Variants in WAS observed in about 807,000 individuals in gnomAD.
The protein encoded by WAS is WASP actin nucleation promoting factor.
A neutral mutation model predicts 38.9 loss-of-function variants in WAS; 1 was observed. The observed-to-expected ratio is 0.03, with a 90% CI of 0.01 to 0.12. The LOEUF is 0.12. WAS is among the 10% of genes least tolerant of loss of function. WAS has a pLI of 1.00. For missense variants in WAS, 311 were observed against 431.2 expected, an observed-to-expected ratio of 0.72 and a Z score of 2.47; for synonymous variants, 182 against 173.6, an observed-to-expected ratio of 1.05 and a Z score of -0.38.
At chrX:48,682,089 C>T (rs782156141), upstream of WAS, among the ~76,000 whole-genome samples, 2 of 112,018 alleles carry the variant, frequency 1.8e-5, no homozygotes, top group African/African-American at 3.2e-5. Flanking sequence ...CTGGCATCAT[C>T]TGGAGAAGTT....
chrX:48,687,628 C>A (rs2062424431), intron 7 of WAS, among the ~76,000 whole-genome samples: 1 of 109,272 alleles, frequency 9.2e-6, no homozygotes. Flanking sequence ...TGTGTGGTTG[C>A]ATGGGTAGAA....
rs1557007149 is a variant in WAS, at chrX:48,688,737, G to A, written c.1009G>A (p.Gly337Ser). ...GCCCCCTATTGTGGGGGGTAACAAG[G>A]GTCGTTCTGGTCCACTGCCCCCTGT... ...PRPPIVGGNK[G>S]RSGPLPPVPL... is the part of the protein sequence containing the mutation. The change falls in exon 10 of 12, where the codon GGT becomes AGT. Residue 337 changes from glycine (G) to serine (S), a missense_variant. Physicochemically the swap from Gly to Ser is moderately conservative, Grantham distance 56. Coordinates refer to ENST00000376701, the MANE Select transcript of WAS (RefSeq NM_000377.3). 1 of 1,171,844 alleles carries A rather than the reference G, an allele frequency of 8.5e-7. No homozygotes were observed. Among genetic ancestry groups the A allele is most frequent in the Non-Finnish European group, 1.1e-6 (1 of 875,262 alleles).
In WAS at chrX:48,684,113, G is replaced by A. The variant is rs782355555; in HGVS notation, c.132+128G>A. On this transcript the variant is annotated intron_variant, in intron 1 of 11. Coordinates refer to ENST00000376701, the MANE Select transcript of WAS (RefSeq NM_000377.3). ...ATCATCTCCTCTCCTAGAATTTCCCGTCATAATCCACCCTTCCCAGGAAGA... is the reference window on the plus strand; with the variant it reads ...ATCATCTCCTCTCCTAGAATTTCCCATCATAATCCACCCTTCCCAGGAAGA... 41 of 1,088,868 alleles carry A rather than the reference G, an allele frequency of 3.8e-5. 1 individual carries two copies. The highest frequency in any genetic ancestry group is 3.7e-4 in the East Asian group (12 of 32,495). 89.7% of individuals were successfully genotyped at this position (1,088,868 alleles called of 1,213,427 possible). A position where few individuals can be genotyped will look rare whatever the true frequency, so the allele number is the denominator to read the frequency against.
rs868936975 is a variant in WAS, at chrX:48,688,849, C to A, written c.1121C>A (p.Ala374Asp). 8.6e-7 allele frequency: 1 copy of A among 1,156,385 alleles called. No individual in the cohort carries two copies. Among genetic ancestry groups the A allele is most frequent in the Non-Finnish European group, 1.2e-6 (1 of 866,295 alleles). ...RGGPPPPPPP[A>D]TGRSGPLPPP... ...GGCCCTCCACCACCACCCCCTCCAG[C>A]TACTGGACGTTCTGGACCACTGCCC... The change falls in exon 10 of 12, where the codon GCT becomes GAT. Residue 374 changes from alanine to aspartate, a missense_variant. Around this residue, in one of 4 missense-constraint regions of WAS, gnomAD observed 142 missense variants for 157.6 expected, o/e 0.90. Transcript: ENST00000376701.
At chrX:48,684,064 C>T in intron 1 of WAS, 79 bp downstream of exon 1, 1 of 1,141,278 alleles carries the variant, frequency 8.8e-7, no homozygotes, top group Non-Finnish European at 1.2e-6. Flanking sequence ...TCTTCCCCTC[C>T]TCCCGCTCCT....
Position 48,688,680 on chromosome X carries a change from C to G in WAS, c.952C>G (p.Pro318Ala). The G allele has an allele frequency of 8.3e-7, 1 of 1,202,649 alleles. No homozygotes were observed. The highest frequency in any genetic ancestry group is 1.1e-6 in the Non-Finnish European group (1 of 890,364). Residue 318 changes from proline (P) to alanine (A), a missense_variant, in exon 10 of 12, where the codon CCG (proline) becomes GCG (alanine). Pro to Ala is a conservative substitution (Grantham distance 27). This residue lies in a region of WAS where 74 missense variants were observed against 131.2 expected (regional missense o/e 0.56). Coordinates refer to ENST00000376701, the MANE Select transcript of WAS (RefSeq NM_000377.3). ...CACAGAGCCACTTCCGCCGCCCCCA[C>G]CGCCATCTCGAGGAGGGAACCAGCT... The part of the protein sequence containing the change: ...RRQEPLPPPP[P>A]PSRGGNQLPR...
upstream of WAS, chrX:48,683,744 T>C: frequency 9.1e-7 from 1 of 1,097,113 alleles, no homozygotes; most frequent in Non-Finnish European, 1.2e-6. Flanking sequence ...TTGTTTCCCT[T>C]GTCCCTTGTG....
intron 11 of WAS, 133 bp downstream of exon 11, chrX:48,689,567 G>A (rs2062433235): frequency 1.8e-6 from 1 of 561,070 alleles, no homozygotes; most frequent in Non-Finnish European, 3.0e-6. Context: ...TCTTGTGTCA[G>A]CCTCGTTTTT....
Position 48,691,268 on chromosome X carries a change from C to A in WAS, c.*106C>A. 1.3e-6 allele frequency: 1 copy of A among 780,317 alleles called. No homozygotes were observed. The highest frequency in any genetic ancestry group is 1.9e-6 in the Non-Finnish European group (1 of 520,490). 64.3% of individuals were successfully genotyped at this position (780,317 alleles called of 1,213,427 possible). A position where few individuals can be genotyped will look rare whatever the true frequency, so the allele number is the denominator to read the frequency against. ...TCTCCTCTTCCAGGCCCCCAACCCC[C>A]CATTTCTTCCCCACCAACCCCTCCA... On this transcript the variant is annotated 3_prime_UTR_variant, in exon 12 of 12. Transcript: ENST00000376701.
intron 3 of WAS, 24 bp from the exon 4 acceptor site, chrX:48,685,710 C>T (rs1557006526): frequency 5.1e-6 from 6 of 1,171,523 alleles, no homozygotes; most frequent in South Asian, 1.9e-5. Flanking sequence ...ACCTGGGAGG[C>T]GGCTGACCCC....
In WAS at chrX:48,689,222, A is replaced by C. The variant is rs891719915; in HGVS notation, c.1339-98A>C. The stretch of plus-strand genomic sequence containing the variant: ...AGGTTGGTGGGAAGCCTTGAAGGGG[A>C]CTGGAGTGTGTGGGAGAGAAAATAT... On this transcript the variant is annotated intron_variant, in intron 10 of 11. Coordinates refer to ENST00000376701, the MANE Select transcript of WAS (RefSeq NM_000377.3). 4.9e-5 allele frequency: 46 copies of C among 944,677 alleles called. No individual in the cohort carries two copies. The East Asian group carries it at 1.4e-3, about 29-fold the overall frequency. The allele number at this position is 944,677 out of a possible 1,213,427, so 77.9% of individuals were successfully genotyped here.
intron 1 of WAS, among the ~76,000 whole-genome samples, chrX:48,678,418 C>T (rs1218740887): frequency 2.7e-5 from 3 of 111,436 alleles, no homozygotes. Flanking sequence ...GTCTTATTAC[C>T]TACTCTGGGC....
At chrX:48,677,216 G>T (rs1039110175) in intron 1 of WAS, among the ~76,000 whole-genome samples, 4 of 111,146 alleles carry the variant, frequency 3.6e-5, no homozygotes, top group Non-Finnish European at 7.6e-5. Flanking sequence ...GAGCCCCACA[G>T]AAGGGAACTC....
chrX:48,690,969 C>T (rs2062437917), intron 11 of WAS, 138 bp from the exon 12 acceptor site: 1 of 553,862 alleles, frequency 1.8e-6, no homozygotes, highest in African/African-American at 2.3e-5. Context: ...TAATCCCTTT[C>T]TTGTCCCAAA....
At chrX:48,683,763 C>T (rs2062409755), upstream of WAS, 19 of 1,136,061 alleles carry the variant, frequency 1.7e-5, no homozygotes, top group Admixed American at 1.2e-4. Context: ...TGGTTTTTTG[C>T]ATTTCCTGTT....
intron 1 of WAS, 24 bp downstream of exon 1, chrX:48,684,009 C>G (rs782451927): frequency 8.3e-7 from 1 of 1,209,792 alleles, no homozygotes. Flanking sequence ...CTCCTGCCCC[C>G]GCCCCGTCCC....
chrX:48,689,715 G>GT, intron 11 of WAS: 1 of 231,833 alleles, frequency 4.3e-6, no homozygotes, highest in African/African-American at 1.4e-4. Context: ...ACATCAGCTG[G>GT]CCGGCGCGGT....
At chrX:48,689,544 G>C (rs1251613801) in intron 11 of WAS, 110 bp downstream of exon 11, 1 of 635,503 alleles carries the variant, frequency 1.6e-6, no homozygotes, top group Non-Finnish European at 2.5e-6. Flanking sequence ...CTGTTTGACA[G>C]CATTAACATG....
intron 11 of WAS, among the ~76,000 whole-genome samples, chrX:48,690,624 G>A (rs781904212): frequency 3.6e-5 from 4 of 109,657 alleles, no homozygotes; most frequent in Non-Finnish European, 7.6e-5. Context: ...ACCCAGGCTG[G>A]AGTGCAGTGG....
Sources: allele counts gnomAD v4.1 joint callset (sites outside exome capture counted in the v4.1 genomes callset), GRCh38; gene constraint gnomAD v4.1.1; regional missense constraint gnomAD v4.1.1; transcripts MANE v1.5; gene names NCBI Gene and HGNC (gene_info 2026-07-23, HGNC 2026-07-21).